Variants in TTYH1 observed in about 807,000 individuals in gnomAD.
TTYH1 encodes the protein protein tweety homolog 1.
Under a neutral mutation model 61.2 loss-of-function variants are expected in TTYH1, and 33 were observed. The observed-to-expected ratio is 0.54, with a 90% CI of 0.41 to 0.72. The LOEUF is 0.72. TTYH1 is among the 30% of genes least tolerant of loss of function. TTYH1 has a pLI of 0.00. For missense variants in TTYH1, 538 were observed against 575.8 expected (o/e 0.93, Z 0.67); for synonymous variants, 308 against 266.4 (o/e 1.16, Z -1.52).
chr19:54,425,375 C>T (rs778850568), intron 4 of TTYH1, among the ~76,000 whole-genome samples: 1 of 152,138 alleles, frequency 6.6e-6, no homozygotes, highest in Non-Finnish European at 1.5e-5. Flanking sequence ...GGGAGGGGAC[C>T]CAAAGTGGGT....
In TTYH1 at chr19:54,436,196, C is replaced by T. The variant is rs1355525280; in HGVS notation, c.*42+25C>T. 1 of 1,612,018 alleles carries T rather than the reference C, an allele frequency of 6.2e-7. No individual in the cohort carries two copies. Among genetic ancestry groups the T allele is most frequent in the East Asian group, 2.2e-5 (1 of 44,856 alleles). Reference sequence around the variant, plus strand: ...GGTGAGCTTCCAAGGGCCACCCCAGCTCCTGCAGCCGGGCCTCTGCCCCCC... The same window carrying T: ...GGTGAGCTTCCAAGGGCCACCCCAGTTCCTGCAGCCGGGCCTCTGCCCCCC... On this transcript the variant is annotated intron_variant, in intron 13 of 13. Coordinates refer to ENST00000376530, the MANE Select transcript of TTYH1 (RefSeq NM_020659.4). The surrounding 1 kb of genome is among the most constrained non-coding windows in gnomAD (Gnocchi z 4.3).
chr19:54,436,119 C>T lies in TTYH1; in HGVS notation c.1343C>T (p.Ser448Leu), dbSNP rs1366951101. ...QESKRFVQWQ[S>L]SI ...TCCAAGCGCTTTGTGCAGTGGCAGTCGTCTATCTGAGCCCCTCCTCCCGGC... is the reference window on the plus strand; with the variant it reads ...TCCAAGCGCTTTGTGCAGTGGCAGTTGTCTATCTGAGCCCCTCCTCCCGGC... The change falls in exon 13 of 14, where the codon TCG becomes TTG. Residue 448 changes from serine (S) to leucine (L), a missense_variant. Physicochemically the swap from Ser to Leu is moderately radical, Grantham distance 145. Transcript: ENST00000376530. The surrounding 1 kb of genome is among the most constrained non-coding windows in gnomAD (Gnocchi z 4.3). 3.7e-6 allele frequency: 6 copies of T among 1,614,126 alleles called. No homozygotes were observed. The South Asian group carries it at 4.4e-5, about 12-fold the overall frequency.
intron 10 of TTYH1, 53 bp downstream of exon 10, chr19:54,431,244 C>T: frequency 8.0e-7 from 1 of 1,250,230 alleles, no homozygotes. Context: ...TCTGTCTCGA[C>T]CCACAGAACT....
At chr19:54,427,629 A>AAC (rs2083354506) in intron 5 of TTYH1, among the ~76,000 whole-genome samples, 2 of 151,910 alleles carry the variant, frequency 1.3e-5, no homozygotes, top group Admixed American at 6.6e-5. Context: ...AAAAAAAAAA[A>AAC]ACAGATGAGG....
chr19:54,430,960 G>T, intron 9 of TTYH1, 55 bp downstream of exon 9: 3 of 1,587,572 alleles, frequency 1.9e-6, no homozygotes, highest in Non-Finnish European at 2.6e-6. Flanking sequence ...GGCGGACGGG[G>T]CGGGATGGAG....
rs1365696158 is a variant in TTYH1 at position 54,429,366 on chromosome 19, C to T, written c.794C>T (p.Ala265Val). ...VLSWGSMGLE[A>V]ATAVGLSDFC... ...AGCTGGGGCTCCATGGGCCTGGAGGCAGCCACGGCCGTGGTGAGTGCCAGG... is the reference window on the plus strand; with the variant it reads ...AGCTGGGGCTCCATGGGCCTGGAGGTAGCCACGGCCGTGGTGAGTGCCAGG... The change falls in exon 6 of 14, where the codon GCA becomes GTA. Residue 265 changes from alanine (A) to valine (V), a missense_variant. Physicochemically the swap from Ala to Val is moderately conservative, Grantham distance 64. Around this residue, in one of 3 missense-constraint regions of TTYH1, gnomAD observed 378 missense variants for 401.2 expected, o/e 0.94. Transcript: ENST00000376530. This position sits in a 1 kb window ranked among gnomAD's most constrained non-coding sequence, Gnocchi z 5.1. The T allele has an allele frequency of 3.1e-6, 5 of 1,613,950 alleles. No individual in the cohort carries two copies. The highest frequency in any genetic ancestry group is 8.5e-7 in the Non-Finnish European group (1 of 1,179,988).
chr19:54,429,939 G>A lies in TTYH1; in HGVS notation c.865G>A (p.Glu289Lys), dbSNP rs1308096009. ...DPYVLNLTQE[E>K]TGLSSDILSY... ...TTATGTTCTGAACCTGACCCAGGAG[G>A]AGACAGGGCTCAGCTCAGGTGATTT... is the stretch of plus-strand genomic sequence containing the variant. The change falls in exon 7 of 14, where the codon GAG becomes AAG. Residue 289 changes from glutamate to lysine, a missense_variant. Physicochemically the swap from Glu to Lys is moderately conservative, Grantham distance 56. Coordinates refer to ENST00000376530, the MANE Select transcript of TTYH1 (RefSeq NM_020659.4). The surrounding 1 kb of genome is among the most constrained non-coding windows in gnomAD (Gnocchi z 5.1). 4 of 1,613,984 alleles carry A rather than the reference G, an allele frequency of 2.5e-6. No homozygotes were observed. Among genetic ancestry groups the A allele is most frequent in the South Asian group, 1.1e-5 (1 of 91,088 alleles).
At chr19:54,427,135 A>C (rs1424587828) in intron 5 of TTYH1, among the ~76,000 whole-genome samples, 1 of 151,498 alleles carries the variant, frequency 6.6e-6, no homozygotes. Context: ...TGTCTCTATT[A>C]AAAATACAAA....
Position 54,429,840 on chromosome 19 carries a change from G to A in TTYH1, c.808-42G>A. 2 of 1,578,294 alleles carry A rather than the reference G, an allele frequency of 1.3e-6. No individual in the cohort carries two copies. The highest frequency in any genetic ancestry group is 1.7e-6 in the Non-Finnish European group (2 of 1,148,944). On this transcript the variant is annotated intron_variant, in intron 6 of 13. Coordinates refer to ENST00000376530, the MANE Select transcript of TTYH1 (RefSeq NM_020659.4). The surrounding 1 kb of genome is among the most constrained non-coding windows in gnomAD (Gnocchi z 5.1). ...GGGTGCTGTGGGAGTGTGGAATCGG[G>A]GCAGTTTTGGGTTTGAGCCCCTTTT... is the stretch of plus-strand genomic sequence containing the variant.
intron 1 of TTYH1, among the ~76,000 whole-genome samples, chr19:54,418,006 G>GACA (rs1465560367): frequency 1.8e-5 from 2 of 109,988 alleles, no homozygotes; most frequent in African/African-American, 7.5e-5. Flanking sequence ...CACACACTTG[G>GACA]GACACACACA....
Position 54,430,920 on chromosome 19 carries a change from G to T in TTYH1, c.1032+15G>T, listed in dbSNP as rs753195247. On this transcript the variant is annotated intron_variant, in intron 9 of 13. Transcript: ENST00000376530. Reference sequence around the variant, plus strand: ...CTTCAGCGCAGGTCGGTGGGTGGGCGCTCCCCAGACACGCGGACCCCACGG... The same window carrying T: ...CTTCAGCGCAGGTCGGTGGGTGGGCTCTCCCCAGACACGCGGACCCCACGG... 6.2e-7 allele frequency: 1 copy of T among 1,610,092 alleles called. No individual in the cohort carries two copies. Among genetic ancestry groups the T allele is most frequent in the East Asian group, 2.2e-5 (1 of 44,846 alleles).
At chr19:54,422,821 C>CA (rs372643609) in intron 4 of TTYH1, among the ~76,000 whole-genome samples, 1,599 of 149,878 alleles carry the variant, frequency 0.011, 18 homozygotes, top group African/African-American at 0.035. Flanking sequence ...GCCAGCTACT[C>CA]AGGAGGCTGA....
In TTYH1 at chr19:54,429,937, A is replaced by C. The variant is rs374552027; in HGVS notation, c.863A>C (p.Glu288Ala). The C allele has an allele frequency of 6.8e-6, 11 of 1,613,832 alleles. No homozygotes were observed. The highest frequency in any genetic ancestry group is 9.3e-6 in the Non-Finnish European group (11 of 1,179,898). The change falls in exon 7 of 14, where the codon GAG becomes GCG. Residue 288 changes from glutamate to alanine, a missense_variant. By Grantham distance (107) the Glu-to-Ala change is moderately radical (BLOSUM62 -1). Transcript: ENST00000376530. The surrounding 1 kb of genome is among the most constrained non-coding windows in gnomAD (Gnocchi z 5.1). ...PDPYVLNLTQ[E>A]ETGLSSDILS... ...CCTTATGTTCTGAACCTGACCCAGG[A>C]GGAGACAGGGCTCAGCTCAGGTGAT...
rs759969588 is a variant in TTYH1, at chr19:54,436,350, G to A, written c.*60G>A. 1.1e-5 allele frequency: 17 copies of A among 1,614,038 alleles called. No individual in the cohort carries two copies. The highest frequency in any genetic ancestry group is 2.7e-5 in the African/African-American group (2 of 74,932). ...CTCCGCAGTTCCTTCCCTGGCTGCC[G>A]GAGGAGACCCCACTAACCCAGCCTG... On this transcript the variant is annotated 3_prime_UTR_variant, in exon 14 of 14. Coordinates refer to ENST00000376530, the MANE Select transcript of TTYH1 (RefSeq NM_020659.4). This position sits in a 1 kb window ranked among gnomAD's most constrained non-coding sequence, Gnocchi z 4.3.
rs1296321868 is a variant in TTYH1 at position 54,419,052 on chromosome 19, C to T, written c.127-76C>T. ...TCTGACATCCCAGACCCCGACCCCC[C>T]AGCCACGCAGGAAGGGGGATCTGAG... On this transcript the variant is annotated intron_variant, in intron 1 of 13. Transcript: ENST00000376530. This position sits in a 1 kb window ranked among gnomAD's most constrained non-coding sequence, Gnocchi z 6.1. 4 of 1,456,884 alleles carry T rather than the reference C, an allele frequency of 2.7e-6. No homozygotes were observed. Among genetic ancestry groups the T allele is most frequent in the East Asian group, 2.3e-5 (1 of 42,898 alleles). 90.2% of individuals were successfully genotyped at this position (1,456,884 alleles called of 1,614,324 possible).
intron 10 of TTYH1, 92 bp from the exon 11 acceptor site, chr19:54,435,450 C>T: frequency 2.0e-6 from 3 of 1,471,244 alleles, no homozygotes; most frequent in Non-Finnish European, 2.7e-6. Flanking sequence ...TGTGCAGTAC[C>T]ACAGCCGGGA....
chr19:54,417,212 A>G (rs2083100210), intron 1 of TTYH1, among the ~76,000 whole-genome samples: 1 of 151,266 alleles, frequency 6.6e-6, no homozygotes, highest in Non-Finnish European at 1.5e-5. Context: ...GCACACCCAG[A>G]CACGCCCACT....
rs1158247804 is a variant in TTYH1 at position 54,430,731 on chromosome 19, C to G, written c.940-82C>G. ...CCGGGGAGGATGCAGGCCAGGGGCC[C>G]GAGTGCTGTGTCCGGAGGAGAGGAG... On this transcript the variant is annotated intron_variant, in intron 8 of 13. Coordinates refer to ENST00000376530, the MANE Select transcript of TTYH1 (RefSeq NM_020659.4). The G allele has an allele frequency of 6.3e-6, 10 of 1,579,886 alleles. No homozygotes were observed. In the African/African-American group the frequency reaches 8.1e-5, roughly 13 times the overall value.
At chr19:54,417,157 C>T (rs1281082038) in intron 1 of TTYH1, among the ~76,000 whole-genome samples, 1 of 151,964 alleles carries the variant, frequency 6.6e-6, no homozygotes, top group African/African-American at 2.4e-5. Flanking sequence ...ACACACACGT[C>T]CACTTACTCC....
Sources: gnomAD v4.1 joint callset for allele counts (sites outside exome capture counted in the v4.1 genomes callset) on GRCh38, gnomAD v4.1.1 for gene constraint, gnomAD v4.1.1 regional missense constraint, Gnocchi (gnomAD v3.1) non-coding constraint, MANE v1.5 for transcripts, NCBI Gene and HGNC (gene_info 2026-07-23, HGNC 2026-07-21) for gene names.